The following ISM2 variants were observed in gnomAD, a reference collection of about 807,000 sequenced individuals.
ISM2 encodes isthmin-2.
A neutral mutation model predicts 58.0 loss-of-function variants in ISM2; 50 were observed. The observed-to-expected ratio is 0.86, with a 90% CI of 0.69 to 1.09. The LOEUF (loss-of-function observed/expected upper bound fraction) is 1.09, where lower values mean the gene tolerates loss of function less well. ISM2 is among the 50% of genes least tolerant of loss of function. ISM2 has a pLI of 0.00. For missense variants in ISM2, 723 were observed against 745.0 expected, an observed-to-expected ratio of 0.97 and a Z score of 0.34; for synonymous variants, 303 against 312.4, an observed-to-expected ratio of 0.97 and a Z score of 0.32.
intron 3 of ISM2, chr14:77,483,693 A>G (rs1182215579): frequency 3.9e-5 from 6 of 152,050 alleles, no homozygotes; most frequent in African/African-American, 1.5e-4. Context: ...TAGAGAAAAG[A>G]AGAGAGACAC....
chr14:77,495,259 C>A (rs958945308), intron 1 of ISM2, among the ~76,000 whole-genome samples: 1 of 152,094 alleles, frequency 6.6e-6, no homozygotes, highest in Non-Finnish European at 1.5e-5. Context: ...GGGACCAGAA[C>A]TCCAAGGCCT....
At chr14:77,485,533 T>C (rs1012916382) in intron 1 of ISM2, among the ~76,000 whole-genome samples, 3 of 152,254 alleles carry the variant, frequency 2.0e-5, no homozygotes, top group Admixed American at 6.5e-5. Flanking sequence ...CCACTGGCCA[T>C]GGTGTCCTCA....
Position 77,484,333 on chromosome 14 carries a change from G to T in ISM2, c.617C>A (p.Pro206His). ...LVHATLSTPN[P>H]DNQVTIKVVE... ...TTCTGTAGCTCTCACCTGGTTATCA[G>T]GGTTAGGGGTACTCAAGGTTGCGTG... Residue 206 changes from proline to histidine, a missense_variant, in exon 3 of 7, where the codon CCT (proline) becomes CAT (histidine). By Grantham distance (77) the Pro-to-His change is moderately conservative. Coordinates refer to ENST00000342219, the MANE Select transcript of ISM2 (RefSeq NM_199296.3). 6.2e-7 allele frequency: 1 copy of T among 1,611,362 alleles called. No individual in the cohort carries two copies. Among genetic ancestry groups the T allele is most frequent in the South Asian group, 1.1e-5 (1 of 90,724 alleles).
chr14:77,475,996 C>G lies in ISM2; in HGVS notation c.1315G>C (p.Asp439His). 2 of 1,589,122 alleles carry G rather than the reference C, an allele frequency of 1.3e-6. No individual in the cohort carries two copies. Among genetic ancestry groups the G allele is most frequent in the Non-Finnish European group, 1.7e-6 (2 of 1,172,256 alleles). ...CPCAYPLEAM[D>H]SPVSLQDEHQ... is the part of the protein sequence containing the mutation. ...TCGTCCTGTAGGCTCACAGGGCTGT[C>G]CATGGCCTCCAGTGGGTAGGCACAC... The change falls in exon 7 of 7, where the codon GAC becomes CAC. Residue 439 changes from aspartate to histidine, a missense_variant. Coordinates refer to ENST00000342219, the MANE Select transcript of ISM2 (RefSeq NM_199296.3). The surrounding 1 kb of genome is among the most constrained non-coding windows in gnomAD (Gnocchi z 4.1).
intron 1 of ISM2, among the ~76,000 whole-genome samples, chr14:77,497,765 G>GGAA (rs2079255031): frequency 3.2e-5 from 3 of 93,956 alleles, no homozygotes; most frequent in African/African-American, 1.5e-4. Flanking sequence ...GAGGGAGGGA[G>GGAA]GGAGGGAAGG....
At chr14:77,476,149 G>T (rs1156487883) in intron 6 of ISM2, 37 bp from the exon 7 acceptor site, 2 of 1,500,830 alleles carry the variant, frequency 1.3e-6, no homozygotes, top group African/African-American at 1.4e-5. Context: ...GGAAGCCAGT[G>T]ACAGAGCCAG....
intron 5 of ISM2, 72 bp downstream of exon 5, chr14:77,478,503 A>G: frequency 6.4e-7 from 1 of 1,568,402 alleles, no homozygotes; most frequent in Admixed American, 1.8e-5. Flanking sequence ...GCCCACCCAC[A>G]TTCCCAGGGG....
chr14:77,477,904 G>T lies in ISM2; in HGVS notation c.1198+338C>A, dbSNP rs115042282. On this transcript the variant is annotated intron_variant, in intron 6 of 6. Coordinates refer to ENST00000342219, the MANE Select transcript of ISM2 (RefSeq NM_199296.3). ...CACTGCATCCCCCTCTCCAGACAGA[G>T]CCTGCCCAGGAGCCTCCCAAGAGTA... 8.3e-3 allele frequency among the ~76,000 whole-genome samples: 1,259 copies of T among 152,272 alleles called. 16 individuals are homozygous for T. Among genetic ancestry groups the T allele is most frequent in the African/African-American group, 0.029 (1,201 of 41,556 alleles).
chr14:77,494,665 G>A (rs2079227806), intron 1 of ISM2, among the ~76,000 whole-genome samples: 1 of 152,148 alleles, frequency 6.6e-6, no homozygotes, highest in South Asian at 2.1e-4. Flanking sequence ...CCAAAGTGCT[G>A]AGATTACAGG....
rs181464510 is a variant in ISM2 at position 77,488,693 on chromosome 14, C to T, written c.142-3774G>A. 3.4e-3 allele frequency among the ~76,000 whole-genome samples: 515 copies of T among 152,274 alleles called. 4 individuals are homozygous for T. The highest frequency in any genetic ancestry group is 0.012 in the African/African-American group (485 of 41,550). On this transcript the variant is annotated intron_variant, in intron 1 of 6. Transcript: ENST00000342219. ...TTGTAGGTGCTAAGCATGCAATGAA[C>T]GTTACCCAGAGGTGGCGACAGATGG... is the stretch of plus-strand genomic sequence containing the variant.
intron 1 of ISM2, among the ~76,000 whole-genome samples, chr14:77,495,183 C>T (rs1233216936): frequency 6.6e-6 from 1 of 152,210 alleles, no homozygotes; most frequent in Non-Finnish European, 1.5e-5. Flanking sequence ...AGCCACCACG[C>T]AGGCCCCTCT....
In ISM2 at chr14:77,484,566, C is replaced by T; in HGVS notation, c.385-1G>A. ...GCCTAGGATCTGGGGAGGCTGAAGC[C>T]TGAGGAAGAGAGAGGGAAGGTGAGG... On this transcript the variant is annotated splice_acceptor_variant, in intron 2 of 6. Transcript: ENST00000342219. LOFTEE classifies it high-confidence loss of function. 1 of 1,597,890 alleles carries T rather than the reference C, an allele frequency of 6.3e-7. No individual in the cohort carries two copies. The highest frequency in any genetic ancestry group is 8.5e-7 in the Non-Finnish European group (1 of 1,172,882).
chr14:77,477,081 G>A (rs1452384160), intron 6 of ISM2, among the ~76,000 whole-genome samples: 1 of 152,100 alleles, frequency 6.6e-6, no homozygotes, highest in African/African-American at 2.4e-5. Flanking sequence ...CAGAGGCCAG[G>A]AGCCTTCATA....
At chr14:77,487,512 CCA>C (rs1261777870) in intron 1 of ISM2, among the ~76,000 whole-genome samples, 3 of 152,160 alleles carry the variant, frequency 2.0e-5, no homozygotes, top group Non-Finnish European at 2.9e-5. Context: ...TCCCTGGTGC[CCA>C]GTCAGACCAT....
At chr14:77,480,540 AT>A (rs2079125159) in intron 4 of ISM2, among the ~76,000 whole-genome samples, 1 of 132,512 alleles carries the variant, frequency 7.5e-6, no homozygotes, top group Non-Finnish European at 1.6e-5. Flanking sequence ...AAACACGGAA[AT>A]TTTTTCCTTT....
intron 1 of ISM2, chr14:77,498,394 G>A: frequency 3.1e-6 from 4 of 1,285,562 alleles, no homozygotes; most frequent in Non-Finnish European, 3.2e-6. Flanking sequence ...ACCTCACTCC[G>A]CACAGAAGTC....
intron 1 of ISM2, among the ~76,000 whole-genome samples, chr14:77,490,776 T>G (rs1354438423): frequency 6.6e-6 from 1 of 152,226 alleles, no homozygotes; most frequent in Non-Finnish European, 1.5e-5. Context: ...GGCTGGAGAC[T>G]TGCCTGAGGC....
chr14:77,495,190 C>T (rs1209227661), intron 1 of ISM2, among the ~76,000 whole-genome samples: 1 of 152,060 alleles, frequency 6.6e-6, no homozygotes, highest in Non-Finnish European at 1.5e-5. Flanking sequence ...ACGCAGGCCC[C>T]TCTTTTTAAA....
chr14:77,491,691 CTTTT>C (rs777579764), intron 1 of ISM2, among the ~76,000 whole-genome samples: 1 of 105,268 alleles, frequency 9.5e-6, no homozygotes, highest in African/African-American at 3.8e-5. Context: ...CGCGTCTGGT[CTTTT>C]TTTTTTTTTT....
Sources: allele counts gnomAD v4.1 joint callset (sites outside exome capture counted in the v4.1 genomes callset), GRCh38; gene constraint gnomAD v4.1.1; non-coding constraint Gnocchi (gnomAD v3.1); transcripts MANE v1.5; gene names NCBI Gene and HGNC (gene_info 2026-07-23, HGNC 2026-07-21).